RBM33: variants seen among roughly 807,000 people sequenced by gnomAD.
The protein encoded by RBM33 is RNA-binding protein 33.
A neutral mutation model predicts 132.6 loss-of-function variants in RBM33; 28 were observed. The ratio of observed to expected loss-of-function variants is 0.21; its 90% CI spans 0.16 to 0.29. The LOEUF (loss-of-function observed/expected upper bound fraction) is 0.29. Among genes scored for constraint, RBM33 ranks in the 10% least tolerant of loss-of-function variants. The pLI is 1.00. For missense variants in RBM33, 1,291 were observed against 1,518.5 expected (o/e 0.85, Z 2.49); for synonymous variants, 634 against 593.0 (o/e 1.07, Z -1.01).
At position 155,739,801 on chromosome 7, in the gene RBM33, G is replaced by T; in HGVS notation, c.1824G>T (p.Pro608=). Residue 608 remains proline, a synonymous_variant, in exon 12 of 18, where the codon CCG becomes CCT. Coordinates refer to ENST00000401878, the MANE Select transcript of RBM33 (RefSeq NM_053043.3). ...AGCCCCCGCCACAGCACCAGCCTCC[G>T]CACCAGCCCCCGCACCAGCCCCCGC... The part of the protein sequence containing the change: ...QQQPPPQHQP[P]HQPPHQPPPQ... 1 of 1,446,892 alleles carries T rather than the reference G, an allele frequency of 6.9e-7. No individual in the cohort carries two copies. 89.6% of individuals were successfully genotyped at this position (1,446,892 alleles called of 1,614,324 possible). A position where few individuals can be genotyped will look rare whatever the true frequency, so the allele number is the denominator to read the frequency against.
chr7:155,702,101 A>C (rs1027357887), intron 6 of RBM33, among the ~76,000 whole-genome samples: 1 of 152,230 alleles, frequency 6.6e-6, no homozygotes, highest in South Asian at 2.1e-4. Context: ...GCAGGAGGAC[A>C]CAGGGGCTCT....
intron 9 of RBM33, 54 bp from the exon 10 acceptor site, chr7:155,737,476 A>C: frequency 6.6e-7 from 1 of 1,518,020 alleles, no homozygotes; most frequent in Non-Finnish European, 8.8e-7. Flanking sequence ...TAAAAATTAC[A>C]TACCATTTTT....
At chr7:155,673,940 G>GTTGTTTTTTGTTTTTGTTTTT in intron 3 of RBM33, among the ~76,000 whole-genome samples, 9 of 54,212 alleles carry the variant, frequency 1.7e-4, no homozygotes, top group South Asian at 7.1e-4. Flanking sequence ...TTTAGGCTTA[G>GTTGTTTTTTGTTTTTGTTTTT]TTTTTTTTTT....
intron 16 of RBM33, among the ~76,000 whole-genome samples, chr7:155,769,377 G>A (rs1226481652): frequency 6.6e-6 from 1 of 152,158 alleles, no homozygotes; most frequent in Non-Finnish European, 1.5e-5. Flanking sequence ...TCCCTGGCTG[G>A]GCCCTAGTGA....
chr7:155,690,191 T>A (rs574135763), intron 5 of RBM33, among the ~76,000 whole-genome samples: 3 of 152,330 alleles, frequency 2.0e-5, no homozygotes, highest in Admixed American at 2.0e-4. Flanking sequence ...TAGTTAGCTC[T>A]TCTTGTTGAA....
chr7:155,648,108 A>G (rs1798252407), intron 1 of RBM33, among the ~76,000 whole-genome samples: 1 of 152,218 alleles, frequency 6.6e-6, no homozygotes, highest in Admixed American at 6.5e-5. Flanking sequence ...TTAGAAATAA[A>G]AAGTTTTAAT....
chr7:155,766,600 C>G lies in RBM33; in HGVS notation c.3320C>G (p.Ser1107Trp). 6.2e-7 allele frequency: 1 copy of G among 1,612,396 alleles called. No homozygotes were observed. Among genetic ancestry groups the G allele is most frequent in the Non-Finnish European group, 8.5e-7 (1 of 1,179,308 alleles). Residue 1107 changes from serine (S) to tryptophan (W), a missense_variant, in exon 16 of 18, where the codon TCG becomes TGG. Coordinates refer to ENST00000401878, the MANE Select transcript of RBM33 (RefSeq NM_053043.3). ...GTGGTGTCTGTGGAGGGGCTGTCCT[C>G]GTCCACCACGGATGCCCAGCTGAAG... ...PCVVSVEGLSSSTTDAQLKSL... is the reference protein window; with the variant it reads ...PCVVSVEGLSWSTTDAQLKSL...
intron 5 of RBM33, among the ~76,000 whole-genome samples, chr7:155,691,174 C>T (rs1289413439): frequency 6.6e-6 from 1 of 152,124 alleles, no homozygotes; most frequent in Non-Finnish European, 1.5e-5. Flanking sequence ...TTTCTTTTTA[C>T]TCTTTTTTCT....
chr7:155,739,551 A>C (rs1054377885), intron 11 of RBM33, 164 bp from the exon 12 acceptor site: 1 of 693,996 alleles, frequency 1.4e-6, no homozygotes, highest in African/African-American at 1.8e-5. Flanking sequence ...CTGGCTTATT[A>C]CTGCATTTTA....
Position 155,780,782 on chromosome 7 carries a change from A to ACTTCATCACCT in RBM33, c.*5743_*5744insTCATCACCTCT, listed in dbSNP as rs1554490930. 1.3e-5 allele frequency: 2 copies of ACTTCATCACCT among 150,702 alleles called. No homozygotes were observed. Among genetic ancestry groups the ACTTCATCACCT allele is most frequent in the East Asian group, 2.0e-4 (1 of 5,052 alleles). The allele number at this position is 150,702 out of a possible 1,614,324, so 9.3% of individuals were successfully genotyped here. ...TGACGATTTTCACACTGTGTTTACCACTCCATCACCTCTCAACCTTTGCTT... is the reference window on the plus strand; with the variant it reads ...TGACGATTTTCACACTGTGTTTACCACTTCATCACCTCTCCATCACCTCTCAACCTTTGCTT... On this transcript the variant is annotated 3_prime_UTR_variant, in exon 18 of 18. Transcript: ENST00000401878.
intron 12 of RBM33, among the ~76,000 whole-genome samples, chr7:155,740,284 T>C (rs1329881874): frequency 6.6e-6 from 1 of 152,228 alleles, no homozygotes; most frequent in Admixed American, 6.5e-5. Flanking sequence ...CTTTCTTGTA[T>C]CTAGATATTT....
At chr7:155,706,353 G>T (rs560145681) in intron 6 of RBM33, among the ~76,000 whole-genome samples, 2 of 152,322 alleles carry the variant, frequency 1.3e-5, no homozygotes, top group East Asian at 3.9e-4. Flanking sequence ...ATCAGCCGGC[G>T]TGGCGGTGTG....
At chr7:155,656,145 A>G (rs1377060190) in intron 1 of RBM33, among the ~76,000 whole-genome samples, 1 of 152,202 alleles carries the variant, frequency 6.6e-6, no homozygotes, top group Admixed American at 6.5e-5. Context: ...AAATACTTAT[A>G]TTTGATATTG....
At chr7:155,700,232 T>C (rs1799917892) in intron 5 of RBM33, among the ~76,000 whole-genome samples, 1 of 152,166 alleles carries the variant, frequency 6.6e-6, no homozygotes, top group African/African-American at 2.4e-5. Context: ...GACAGTGAGA[T>C]TGAAGTAAAA....
Position 155,780,248 on chromosome 7 carries a change from C to G in RBM33, c.*5207C>G, listed in dbSNP as rs1315519058. The stretch of plus-strand genomic sequence containing the variant: ...AACATTTTCAATAACGCGCGCACAG[C>G]ACACAGGGGTGCCCTGAGCCGAAGG... On this transcript the variant is annotated 3_prime_UTR_variant, in exon 18 of 18. Transcript: ENST00000401878. 6.6e-6 allele frequency: 1 copy of G among 152,204 alleles called. No homozygotes were observed. Among genetic ancestry groups the G allele is most frequent in the Non-Finnish European group, 1.5e-5 (1 of 68,040 alleles). The allele number at this position is 152,204 out of a possible 1,614,324, so 9.4% of individuals were successfully genotyped here. A position where few individuals can be genotyped will look rare whatever the true frequency, so the allele number is the denominator to read the frequency against.
chr7:155,691,830 C>T (rs186225644), intron 5 of RBM33, among the ~76,000 whole-genome samples: 7 of 152,016 alleles, frequency 4.6e-5, no homozygotes, highest in African/African-American at 7.2e-5. Flanking sequence ...CCTAGGTGGA[C>T]GGGTCACTTG....
At chr7:155,712,325 A>G (rs1403544794) in intron 8 of RBM33, among the ~76,000 whole-genome samples, 2 of 152,244 alleles carry the variant, frequency 1.3e-5, no homozygotes, top group Non-Finnish European at 1.5e-5. Flanking sequence ...AGTTTATACG[A>G]AGCTTTAACT....
chr7:155,688,152 T>A (rs903343372), intron 5 of RBM33, among the ~76,000 whole-genome samples: 11 of 152,176 alleles, frequency 7.2e-5, no homozygotes, highest in African/African-American at 2.7e-4. Flanking sequence ...TTTATTTCAT[T>A]GAGCAGTGGT....
Position 155,702,376 on chromosome 7 carries a change from G to T in RBM33, c.739+1432G>T, listed in dbSNP as rs1218263844. On this transcript the variant is annotated intron_variant, in intron 6 of 17. Coordinates refer to ENST00000401878, the MANE Select transcript of RBM33 (RefSeq NM_053043.3). ...TTGTTCTCTTTTTCTTTGTGGTCTA[G>T]TTTACTACTACTCCATCTTGTGGCC... Among the ~76,000 whole-genome samples the T allele has an allele frequency of 4.7e-4, 71 of 152,112 alleles. 1 individual carries two copies.
Sources: gnomAD v4.1 joint callset for allele counts (sites outside exome capture counted in the v4.1 genomes callset) on GRCh38, gnomAD v4.1.1 for gene constraint, MANE v1.5 for transcripts, NCBI Gene and HGNC (gene_info 2026-07-23, HGNC 2026-07-21) for gene names.